Variants in SLC8A1 observed in about 807,000 individuals in gnomAD.
SLC8A1 encodes solute carrier family 8 member A1, also known as sodium/calcium exchanger 1.
Under a neutral mutation model 68.3 loss-of-function variants are expected in SLC8A1, and 18 were observed. The ratio of observed to expected loss-of-function variants is 0.26; its 90% CI spans 0.18 to 0.39. The LOEUF (loss-of-function observed/expected upper bound fraction) is 0.39, where lower values mean the gene tolerates loss of function less well. SLC8A1 is among the 10% of genes least tolerant of loss of function. The probability of loss-of-function intolerance (pLI) is 1.00; values close to 1 mark genes in which losing one functional copy is unlikely to be tolerated. For synonymous variants in SLC8A1, 475 were observed against 415.5 expected, an observed-to-expected ratio of 1.14 and a Z score of -1.74; for missense variants, 985 against 1,156.7, an observed-to-expected ratio of 0.85 and a Z score of 2.15.
intron 2 of SLC8A1, among the ~76,000 whole-genome samples, chr2:40,427,607 G>C (rs1576407029): frequency 6.6e-6 from 1 of 152,050 alleles, no homozygotes; most frequent in East Asian, 1.9e-4. Flanking sequence ...AGGGGGAACA[G>C]CCCTCTAAAT....
At chr2:40,263,434 G>A (rs970704310) in intron 2 of SLC8A1, among the ~76,000 whole-genome samples, 7 of 152,066 alleles carry the variant, frequency 4.6e-5, no homozygotes, top group Non-Finnish European at 8.8e-5. Context: ...GAGGCATCAC[G>A]CTACATGACT....
rs939700779 is a variant in SLC8A1, at chr2:40,428,323, T to G, written c.1808+150A>C. The G allele has an allele frequency of 4.5e-6, 6 of 1,346,012 alleles. No individual in the cohort carries two copies. In the African/African-American group the frequency reaches 8.9e-5, roughly 20 times the overall value. 83.4% of individuals were successfully genotyped at this position (1,346,012 alleles called of 1,614,324 possible). ...TGATAACTGGCACCCAAGCAAAGAC[T>G]GATATCTTGAAAGGGATCTTGTATA... On this transcript the variant is annotated intron_variant, in intron 2 of 7. Transcript: ENST00000406785.
At chr2:40,111,543 T>C (rs1316514123) in exon 8 of SLC8A1, 3 of 152,188 alleles carry the variant, frequency 2.0e-5, no homozygotes, top group African/African-American at 7.2e-5. Context: ...TGTGGACAGA[T>C]TCTATTATAG....
intron 1 of SLC8A1, among the ~76,000 whole-genome samples, chr2:40,502,162 T>C (rs1421611303): frequency 6.6e-6 from 1 of 152,066 alleles, no homozygotes; most frequent in African/African-American, 2.4e-5. Context: ...CTAAATACTA[T>C]TGAACTTATA....
chr2:40,250,440 G>T (rs1388698926), intron 2 of SLC8A1: 1 of 151,996 alleles, frequency 6.6e-6, no homozygotes, highest in Non-Finnish European at 1.5e-5. Flanking sequence ...TCATTAGCTG[G>T]CACTTTACAA....
intron 1 of SLC8A1, among the ~76,000 whole-genome samples, chr2:40,462,765 G>A (rs1288484536): frequency 1.3e-5 from 2 of 151,938 alleles, no homozygotes; most frequent in African/African-American, 2.4e-5. Context: ...CCCAGATTAC[G>A]CCACTGCCCT....
intron 1 of SLC8A1, among the ~76,000 whole-genome samples, chr2:40,433,119 G>A (rs952301044): frequency 3.3e-5 from 5 of 151,948 alleles, no homozygotes; most frequent in Admixed American, 2.0e-4. Flanking sequence ...CATTCTTCAC[G>A]TTTCAGCCAA....
At chr2:40,406,475 A>G (rs1690378144) in intron 2 of SLC8A1, among the ~76,000 whole-genome samples, 1 of 152,194 alleles carries the variant, frequency 6.6e-6, no homozygotes, top group Non-Finnish European at 1.5e-5. Flanking sequence ...AAACTTCTAA[A>G]TGGGTTATTG....
At chr2:40,443,046 T>C (rs1454420040) in intron 1 of SLC8A1, among the ~76,000 whole-genome samples, 2 of 151,480 alleles carry the variant, frequency 1.3e-5, no homozygotes, top group African/African-American at 2.4e-5. Flanking sequence ...TAAGTAGGAG[T>C]TGAACAATGA....
chr2:40,422,814 A>G (rs928537193), intron 2 of SLC8A1, among the ~76,000 whole-genome samples: 1 of 152,200 alleles, frequency 6.6e-6, no homozygotes. Context: ...AGTAGTATGG[A>G]AGAACAAGCA....
intron 2 of SLC8A1, among the ~76,000 whole-genome samples, chr2:40,278,494 A>C (rs1369832633): frequency 6.6e-6 from 1 of 151,922 alleles, no homozygotes; most frequent in African/African-American, 2.4e-5. Flanking sequence ...AACAAAACAA[A>C]ACAAAACAAA....
intron 1 of SLC8A1, among the ~76,000 whole-genome samples, chr2:40,478,210 G>T (rs1206078301): frequency 1.4e-5 from 2 of 143,110 alleles, no homozygotes; most frequent in Non-Finnish European, 3.0e-5. Context: ...CTCCACACAA[G>T]CTGATACACC....
At chr2:40,340,025 T>C (rs146099817) in intron 2 of SLC8A1, among the ~76,000 whole-genome samples, 5 of 152,320 alleles carry the variant, frequency 3.3e-5, no homozygotes, top group Non-Finnish European at 7.4e-5. Flanking sequence ...TAAGTAGTCA[T>C]ATGAGGCAGA....
At chr2:40,168,937 GC>G (rs2047001738) in intron 4 of SLC8A1, among the ~76,000 whole-genome samples, 1 of 152,212 alleles carries the variant, frequency 6.6e-6, no homozygotes, top group South Asian at 2.1e-4. Context: ...AACAGCCACT[GC>G]TAAAATCAAT....
intron 2 of SLC8A1, among the ~76,000 whole-genome samples, chr2:40,355,618 A>G (rs1218108687): frequency 6.6e-6 from 1 of 152,116 alleles, no homozygotes; most frequent in Non-Finnish European, 1.5e-5. Context: ...ATTACCACAC[A>G]CTGACCCATC....
chr2:40,182,699 G>C (rs1420356167), intron 2 of SLC8A1, among the ~76,000 whole-genome samples: 1 of 152,148 alleles, frequency 6.6e-6, no homozygotes, highest in Non-Finnish European at 1.5e-5. Context: ...ATCTGGTTTT[G>C]ACTCAGGCAG....
intron 2 of SLC8A1, among the ~76,000 whole-genome samples, chr2:40,384,283 A>C (rs919240057): frequency 1.3e-5 from 2 of 152,108 alleles, no homozygotes; most frequent in African/African-American, 4.8e-5. Flanking sequence ...CATTTTAAAA[A>C]ATGTTAAGAA....
intron 4 of SLC8A1, among the ~76,000 whole-genome samples, chr2:40,172,002 G>C (rs1245955588): frequency 2.0e-5 from 3 of 152,156 alleles, no homozygotes; most frequent in Admixed American, 1.3e-4. Context: ...CATATATTCT[G>C]CTTCAAATTT....
intron 2 of SLC8A1, among the ~76,000 whole-genome samples, chr2:40,351,297 T>C (rs1255433283): frequency 1.3e-5 from 2 of 152,168 alleles, no homozygotes; most frequent in Non-Finnish European, 2.9e-5. Flanking sequence ...CCATGGATGA[T>C]ACATGATTCC....
Sources: allele counts gnomAD v4.1 joint callset (sites outside exome capture counted in the v4.1 genomes callset), GRCh38; gene constraint gnomAD v4.1.1; transcripts MANE v1.5; gene names NCBI Gene and HGNC (gene_info 2026-07-23, HGNC 2026-07-21).